The following CDK14 variants were observed in gnomAD, a reference collection of about 807,000 sequenced individuals.
CDK14 encodes cyclin dependent kinase 14, also known as cyclin-dependent kinase 14.
Under a neutral mutation model 60.7 loss-of-function variants are expected in CDK14, and 34 were observed. The observed-to-expected ratio is 0.56, with a 90% CI of 0.43 to 0.75. CDK14 has a LOEUF of 0.75. Among genes scored for constraint, CDK14 ranks in the 30% least tolerant of loss-of-function variants. CDK14 has a pLI of 0.00. For missense variants in CDK14, 482 were observed against 564.1 expected, an observed-to-expected ratio of 0.85 and a Z score of 1.47; for synonymous variants, 197 against 203.7, an observed-to-expected ratio of 0.97 and a Z score of 0.28.
chr7:91,189,275 A>C (rs1802281422), intron 14 of CDK14, among the ~76,000 whole-genome samples: 1 of 152,192 alleles, frequency 6.6e-6, no homozygotes, highest in Non-Finnish European at 1.5e-5. Flanking sequence ...ACCAAATATT[A>C]CTATCTCACA....
intron 2 of CDK14, among the ~76,000 whole-genome samples, chr7:90,631,533 T>A (rs11563824): frequency 0.18 from 27,502 of 152,110 alleles, 2,609 homozygotes; most frequent in Middle Eastern, 0.21. Flanking sequence ...ATTGTAAGGA[T>A]TTTTTGACAG....
chr7:90,622,279 G>GTTGT (rs3037302), intron 2 of CDK14, among the ~76,000 whole-genome samples: 78,130 of 151,554 alleles, frequency 0.52, 20,447 homozygotes, highest in East Asian at 0.68. Flanking sequence ...TTTTATCCCT[G>GTTGT]TTGTTTGGAA....
chr7:90,956,435 T>G (rs1429548584), intron 9 of CDK14, among the ~76,000 whole-genome samples: 1 of 152,068 alleles, frequency 6.6e-6, no homozygotes, highest in African/African-American at 2.4e-5. Flanking sequence ...CTATGCTGAG[T>G]TCCCAACTAA....
chr7:91,111,165 C>G (rs1250261322), intron 12 of CDK14, among the ~76,000 whole-genome samples: 2 of 152,096 alleles, frequency 1.3e-5, no homozygotes, highest in Non-Finnish European at 2.9e-5. Context: ...GAGAAAGTCT[C>G]TTAGTTTGGA....
At chr7:91,066,029 G>A (rs1797966259) in intron 11 of CDK14, among the ~76,000 whole-genome samples, 1 of 152,118 alleles carries the variant, frequency 6.6e-6, no homozygotes, top group South Asian at 2.1e-4. Context: ...ATGATGAAGC[G>A]CCCTTCAGTG....
At chr7:91,191,263 T>G (rs534572361) in intron 14 of CDK14, among the ~76,000 whole-genome samples, 1 of 152,236 alleles carries the variant, frequency 6.6e-6, no homozygotes, top group Admixed American at 6.5e-5. Flanking sequence ...CACAGCTTCA[T>G]ACACCACTGA....
At chr7:90,950,550 G>T (rs1337378622) in intron 8 of CDK14, among the ~76,000 whole-genome samples, 1 of 152,166 alleles carries the variant, frequency 6.6e-6, no homozygotes, top group Non-Finnish European at 1.5e-5. Context: ...TTGTGATTTT[G>T]TAAGTGCAGA....
intron 4 of CDK14, among the ~76,000 whole-genome samples, chr7:90,770,102 A>G (rs1387390227): frequency 2.0e-5 from 3 of 152,218 alleles, no homozygotes; most frequent in Non-Finnish European, 2.9e-5. Context: ...ACTTTGTAGC[A>G]CTAAACGCAG....
rs1261878082 is a variant in CDK14, at chr7:90,863,206, C to T, written c.576C>T (p.Asn192=). 1.5e-5 allele frequency: 24 copies of T among 1,608,696 alleles called. No homozygotes were observed. The highest frequency in any genetic ancestry group is 2.0e-5 in the Non-Finnish European group (23 of 1,176,114). The change falls in exon 6 of 15, where the codon AAC becomes AAT. Residue 192 remains asparagine, a synonymous_variant. Coordinates refer to ENST00000380050, the MANE Select transcript of CDK14 (RefSeq NM_001287135.2). ...TTTTAAAAGGACTAAAACATGCTAA[C>T]ATAGTGCTACTTCATGACATCATCC... ...ASLLKGLKHA[N]IVLLHDIIHT... is the part of the protein sequence containing the mutation.
intron 8 of CDK14, among the ~76,000 whole-genome samples, chr7:90,953,598 C>T (rs1794323740): frequency 6.6e-6 from 1 of 152,160 alleles, no homozygotes; most frequent in South Asian, 2.1e-4. Flanking sequence ...TTCCCCTTTA[C>T]AACTGGGAAC....
chr7:90,615,241 G>A (rs1012926763), intron 2 of CDK14, among the ~76,000 whole-genome samples: 3 of 152,114 alleles, frequency 2.0e-5, no homozygotes, highest in Non-Finnish European at 4.4e-5. Flanking sequence ...GTACTTATTC[G>A]ACCTTTCACT....
chr7:90,923,596 A>G lies in CDK14; in HGVS notation c.826+5872A>G, dbSNP rs374437947. On this transcript the variant is annotated intron_variant, in intron 8 of 14. Coordinates refer to ENST00000380050, the MANE Select transcript of CDK14 (RefSeq NM_001287135.2). ...GCTAAGAATGGCAGCTTCAAACTCT[A>G]TGGAAATGAGGAAATTTGAAAGAGA... Among the ~76,000 whole-genome samples, 17 of 152,166 alleles carry G rather than the reference A, an allele frequency of 1.1e-4. 1 individual carries two copies. Among genetic ancestry groups the G allele is most frequent in the Admixed American group, 6.5e-4 (10 of 15,290 alleles).
At chr7:90,717,052 A>C (rs1201885365) in intron 2 of CDK14, among the ~76,000 whole-genome samples, 1 of 152,080 alleles carries the variant, frequency 6.6e-6, no homozygotes, top group Non-Finnish European at 1.5e-5. Flanking sequence ...CTACATTCTG[A>C]AAAACTTATA....
chr7:90,610,276 C>A (rs1369845286), intron 2 of CDK14, among the ~76,000 whole-genome samples: 1 of 152,146 alleles, frequency 6.6e-6, no homozygotes, highest in East Asian at 1.9e-4. Context: ...GACCTGGCAT[C>A]TTTTCCTATC....
intron 12 of CDK14, among the ~76,000 whole-genome samples, chr7:91,094,254 C>G (rs1050182693): frequency 6.6e-6 from 1 of 152,118 alleles, no homozygotes; most frequent in Non-Finnish European, 1.5e-5. Flanking sequence ...ATCCTCTTTA[C>G]TTCATGTTTT....
intron 2 of CDK14, among the ~76,000 whole-genome samples, chr7:90,688,843 T>TA (rs774066482): frequency 1.1e-4 from 17 of 152,134 alleles, no homozygotes; most frequent in Non-Finnish European, 2.2e-4. Context: ...ATGATTATAT[T>TA]ACTCTGCCCA....
intron 8 of CDK14, among the ~76,000 whole-genome samples, chr7:90,953,916 A>G (rs933277104): frequency 2.0e-5 from 3 of 152,114 alleles, no homozygotes; most frequent in Admixed American, 6.6e-5. Context: ...TGTCCTATCT[A>G]TTGTTCAATT....
chr7:91,171,298 C>G (rs537391274), intron 14 of CDK14, among the ~76,000 whole-genome samples: 2 of 151,766 alleles, frequency 1.3e-5, no homozygotes, highest in African/African-American at 4.8e-5. Flanking sequence ...TGCAGTGAGC[C>G]GAGATCGCGC....
At chr7:90,904,081 C>T (rs938326951) in intron 7 of CDK14, among the ~76,000 whole-genome samples, 1 of 151,998 alleles carries the variant, frequency 6.6e-6, no homozygotes, top group African/African-American at 2.4e-5. Context: ...AGTCTGCCAG[C>T]AGGGGAGTGG....
Sources: gnomAD v4.1 joint callset for allele counts (sites outside exome capture counted in the v4.1 genomes callset) on GRCh38, gnomAD v4.1.1 for gene constraint, MANE v1.5 for transcripts, NCBI Gene and HGNC (gene_info 2026-07-23, HGNC 2026-07-21) for gene names.